LDLRAD3: variants seen among roughly 807,000 people sequenced by gnomAD.
LDLRAD3 encodes low-density lipoprotein receptor class A domain-containing protein 3.
A neutral mutation model predicts 29.4 loss-of-function variants in LDLRAD3; 20 were observed. The ratio of observed to expected loss-of-function variants is 0.68; its 90% CI spans 0.48 to 0.99. The LOEUF (loss-of-function observed/expected upper bound fraction) is 0.99. Among genes scored for constraint, LDLRAD3 ranks in the 50% least tolerant of loss-of-function variants. The probability of loss-of-function intolerance (pLI) is 0.00; values close to 1 mark genes in which losing one functional copy is unlikely to be tolerated. For synonymous variants in LDLRAD3, 157 were observed against 192.7 expected, an observed-to-expected ratio of 0.81 and a Z score of 1.53; for missense variants, 420 against 454.3, an observed-to-expected ratio of 0.92 and a Z score of 0.69.
intron 2 of LDLRAD3, among the ~76,000 whole-genome samples, chr11:36,057,119 G>A (rs1386223253): frequency 6.6e-6 from 1 of 152,138 alleles, no homozygotes; most frequent in Non-Finnish European, 1.5e-5. Context: ...AGCTTCCCAG[G>A]ACCTTTCTGG....
intron 4 of LDLRAD3, among the ~76,000 whole-genome samples, chr11:36,156,987 A>G (rs1011819434): frequency 7.9e-5 from 12 of 152,234 alleles, no homozygotes; most frequent in South Asian, 2.1e-4. Context: ...TTGTTAGTAC[A>G]GATCTCCTCT....
At chr11:36,190,065 G>GGGGGAGGGGGGA (rs1359043243) in intron 4 of LDLRAD3, among the ~76,000 whole-genome samples, 1 of 146,426 alleles carries the variant, frequency 6.8e-6, no homozygotes. Flanking sequence ...CACACATCTA[G>GGGGGAGGGGGGA]GGGGAGGGGG....
intron 2 of LDLRAD3, among the ~76,000 whole-genome samples, chr11:36,079,658 A>G (rs1347978231): frequency 2.0e-5 from 3 of 152,222 alleles, no homozygotes; most frequent in Non-Finnish European, 4.4e-5. Context: ...AAGAGGCAGC[A>G]CAGCAGCGAA....
At chr11:36,098,675 T>C (rs1853400991) in intron 4 of LDLRAD3, among the ~76,000 whole-genome samples, 1 of 152,232 alleles carries the variant, frequency 6.6e-6, no homozygotes, top group African/African-American at 2.4e-5. Context: ...GTATTGTTCC[T>C]GAATTAAATA....
At chr11:36,159,226 G>A (rs1232675903) in intron 4 of LDLRAD3, among the ~76,000 whole-genome samples, 1 of 152,144 alleles carries the variant, frequency 6.6e-6, no homozygotes, top group Admixed American at 6.5e-5. Flanking sequence ...CCAGCACTTA[G>A]GACACGAAGG....
At chr11:36,054,970 C>A (rs369857412) in intron 2 of LDLRAD3, among the ~76,000 whole-genome samples, 1 of 87,396 alleles carries the variant, frequency 1.1e-5, no homozygotes, top group African/African-American at 4.6e-5. Flanking sequence ...TGGATGGATG[C>A]ATGGATGGAT....
At chr11:36,043,029 A>C (rs1455001261) in intron 2 of LDLRAD3, among the ~76,000 whole-genome samples, 59 of 152,162 alleles carry the variant, frequency 3.9e-4, no homozygotes, top group Non-Finnish European at 1.5e-4. Flanking sequence ...AAATTATTAT[A>C]GGCTGGGCAT....
At position 36,142,137 on chromosome 11, in the gene LDLRAD3, A is replaced by G. The variant is rs77432479; in HGVS notation, c.454+43676A>G. On this transcript the variant is annotated intron_variant, in intron 4 of 5. Transcript: ENST00000315571. ...AGCCATGGCTGGGGTTTCCGGACAG[A>G]TGGTGCCCATCCTTAGCAGCCTCTG... 5.6e-3 allele frequency among the ~76,000 whole-genome samples: 848 copies of G among 152,244 alleles called. 7 individuals are homozygous for G. The highest frequency in any genetic ancestry group is 0.02 in the African/African-American group (816 of 41,540).
intron 4 of LDLRAD3, among the ~76,000 whole-genome samples, chr11:36,113,792 A>G (rs1464536281): frequency 6.6e-6 from 1 of 151,292 alleles, no homozygotes; most frequent in Non-Finnish European, 1.5e-5. Flanking sequence ...TCCTGCCTCA[A>G]CCTCCTGAGT....
At chr11:36,027,573 C>T (rs759459788) in intron 1 of LDLRAD3, among the ~76,000 whole-genome samples, 1 of 152,206 alleles carries the variant, frequency 6.6e-6, no homozygotes, top group Non-Finnish European at 1.5e-5. Context: ...CATAGAGATA[C>T]ATTTTGGGGC....
At chr11:36,052,927 A>G (rs779180285) in intron 2 of LDLRAD3, among the ~76,000 whole-genome samples, 1 of 152,080 alleles carries the variant, frequency 6.6e-6, no homozygotes, top group Admixed American at 6.6e-5. Context: ...ATAAGGACCA[A>G]TCAGGATTTG....
At chr11:36,015,565 A>G (rs1590207341) in intron 1 of LDLRAD3, among the ~76,000 whole-genome samples, 1 of 151,958 alleles carries the variant, frequency 6.6e-6, no homozygotes, top group Non-Finnish European at 1.5e-5. Context: ...ATGAATTTCC[A>G]TGAAGTAAAC....
At chr11:35,971,207 G>C (rs1294147765) in intron 1 of LDLRAD3, among the ~76,000 whole-genome samples, 1 of 152,182 alleles carries the variant, frequency 6.6e-6, no homozygotes, top group South Asian at 2.1e-4. Context: ...CCATCTGGGA[G>C]AGAGAATAGT....
At chr11:36,166,182 A>C (rs2133342944) in intron 4 of LDLRAD3, among the ~76,000 whole-genome samples, 1 of 152,254 alleles carries the variant, frequency 6.6e-6, no homozygotes, top group South Asian at 2.1e-4. Context: ...TAGAGTGGGA[A>C]TGCAGGGGGA....
At chr11:36,223,205 T>C (rs926641194) in intron 4 of LDLRAD3, among the ~76,000 whole-genome samples, 1 of 152,126 alleles carries the variant, frequency 6.6e-6, no homozygotes, top group Non-Finnish European at 1.5e-5. Flanking sequence ...CTCAGGCAAA[T>C]GTGATCGCTG....
intron 4 of LDLRAD3, among the ~76,000 whole-genome samples, chr11:36,191,946 A>G (rs1030288165): frequency 6.6e-6 from 1 of 152,050 alleles, no homozygotes; most frequent in Non-Finnish European, 1.5e-5. Context: ...CTAGAACTAA[A>G]TCCTCACCTT....
At chr11:36,229,115 C>G (rs1855538117) in intron 5 of LDLRAD3, 45 bp from the exon 6 acceptor site, 1 of 1,355,246 alleles carries the variant, frequency 7.4e-7, no homozygotes, top group Non-Finnish European at 1.1e-6. Flanking sequence ...GTTCTCTTCT[C>G]TTCCTGTCTC....
At chr11:36,181,714 C>A (rs1446422594) in intron 4 of LDLRAD3, among the ~76,000 whole-genome samples, 1 of 152,216 alleles carries the variant, frequency 6.6e-6, no homozygotes, top group African/African-American at 2.4e-5. Context: ...TTTCTAATTA[C>A]AGCTTTCCTT....
chr11:36,170,024 C>T (rs1034027241), intron 4 of LDLRAD3, among the ~76,000 whole-genome samples: 20 of 152,064 alleles, frequency 1.3e-4, no homozygotes, highest in Admixed American at 7.2e-4. Context: ...CCTCCTCCCA[C>T]CCTTCCCTCT....
Sources: allele counts gnomAD v4.1 joint callset (sites outside exome capture counted in the v4.1 genomes callset), GRCh38; gene constraint gnomAD v4.1.1; transcripts MANE v1.5; gene names NCBI Gene and HGNC (gene_info 2026-07-23, HGNC 2026-07-21).